Variants in CAMK2A observed in about 807,000 individuals in gnomAD.
The protein encoded by CAMK2A is calcium/calmodulin-dependent protein kinase type II subunit alpha.
In CAMK2A, 7 loss-of-function variants were observed where a neutral mutation model predicts 79.2. That is an observed-to-expected ratio of 0.09 (90% CI 0.05 to 0.17). The LOEUF is 0.17. Ranked by LOEUF, CAMK2A falls within the 10% of genes least tolerant of loss-of-function variation. The probability of loss-of-function intolerance (pLI) is 1.00; values close to 1 mark genes in which losing one functional copy is unlikely to be tolerated. For synonymous variants in CAMK2A, 242 were observed against 251.7 expected (o/e 0.96, Z 0.36); for missense variants, 214 against 646.4 (o/e 0.33, Z 7.25).
rs1754240737 is a variant in CAMK2A, at chr5:150,220,274, AC to A, written c.*2435del. On this transcript the variant is annotated 3_prime_UTR_variant, in exon 19 of 19. Coordinates refer to ENST00000671881, the MANE Select transcript of CAMK2A (RefSeq NM_015981.4). Reference sequence around the variant, plus strand: ...CAGAGCTGGGAATTGAAGCCTACTCACCCCAAATCACTGCTCTTTCCCCTGC... The same window carrying A: ...CAGAGCTGGGAATTGAAGCCTACTCACCCAAATCACTGCTCTTTCCCCTGC... 1 of 152,148 alleles carries A rather than the reference AC, an allele frequency of 6.6e-6. No homozygotes were observed. The highest frequency in any genetic ancestry group is 2.4e-5 in the African/African-American group (1 of 41,402). The allele number at this position is 152,148 out of a possible 1,614,324, so 9.4% of individuals were successfully genotyped here. A position where few individuals can be genotyped will look rare whatever the true frequency, so the allele number is the denominator to read the frequency against.
rs1488145637 is a variant in CAMK2A, at chr5:150,222,313, C to T, written c.*397G>A. The stretch of plus-strand genomic sequence containing the variant: ...AGGAGAGGTCTGGGAGAGGGACGGA[C>T]GGATGCTGCCTTCCTCATCATGCCA... On this transcript the variant is annotated 3_prime_UTR_variant, in exon 19 of 19. Transcript: ENST00000671881. 10 of 603,748 alleles carry T rather than the reference C, an allele frequency of 1.7e-5. 1 individual carries two copies. The highest frequency in any genetic ancestry group is 1.2e-4 in the South Asian group (6 of 51,394). The allele number at this position is 603,748 out of a possible 1,614,324, so 37.4% of individuals were successfully genotyped here.
At chr5:150,249,969 A>T (rs1195274730) in intron 11 of CAMK2A, among the ~76,000 whole-genome samples, 1 of 152,128 alleles carries the variant, frequency 6.6e-6, no homozygotes, top group Non-Finnish European at 1.5e-5. Flanking sequence ...CACCATCTTG[A>T]GGCTTTCCCA....
chr5:150,243,366 C>A (rs1437259020), intron 13 of CAMK2A, among the ~76,000 whole-genome samples: 1 of 152,192 alleles, frequency 6.6e-6, no homozygotes, highest in Non-Finnish European at 1.5e-5. Flanking sequence ...CCTAGCTCAG[C>A]GTCTCCACAC....
intron 15 of CAMK2A, among the ~76,000 whole-genome samples, chr5:150,237,626 T>A (rs1039904069): frequency 2.6e-5 from 4 of 151,870 alleles, no homozygotes; most frequent in African/African-American, 9.7e-5. Flanking sequence ...CCTAGCCACA[T>A]CCTTGTGAGC....
In CAMK2A at chr5:150,221,832, A is replaced by C; in HGVS notation, c.*878T>G. 1 of 387,866 alleles carries C rather than the reference A, an allele frequency of 2.6e-6. No homozygotes were observed. The allele number at this position is 387,866 out of a possible 1,614,324, so 24.0% of individuals were successfully genotyped here. A position where few individuals can be genotyped will look rare whatever the true frequency, so the allele number is the denominator to read the frequency against. ...CCCCTTCCAACCTGACCCTTCTCAC[A>C]ATAATCTGAGAAGTCTAGTTATTAC... On this transcript the variant is annotated 3_prime_UTR_variant, in exon 19 of 19. Coordinates refer to ENST00000671881, the MANE Select transcript of CAMK2A (RefSeq NM_015981.4).
At chr5:150,235,470 G>C (rs147728870) in intron 15 of CAMK2A, among the ~76,000 whole-genome samples, 101 of 152,370 alleles carry the variant, frequency 6.6e-4, no homozygotes, top group Non-Finnish European at 1.3e-3. Context: ...GAGAGGTTAA[G>C]ACACTCTCTC....
At chr5:150,222,761 TGGGCAACCCACCCACCCTGCC>T in intron 18 of CAMK2A, 48 bp from the exon 19 acceptor site, 1 of 1,612,236 alleles carries the variant, frequency 6.2e-7, no homozygotes, top group Non-Finnish European at 8.5e-7. Flanking sequence ...GTTTCCTGCT[TGGGCAACCCACCCACCCTGCC>T]GCTTTAGATG....
chr5:150,275,555 A>G (rs1166369957), intron 1 of CAMK2A, among the ~76,000 whole-genome samples: 1 of 152,206 alleles, frequency 6.6e-6, no homozygotes, highest in Non-Finnish European at 1.5e-5. Flanking sequence ...GTTACCCACA[A>G]TTCTGTCCAC....
chr5:150,278,066 T>C (rs1039824724), intron 1 of CAMK2A, among the ~76,000 whole-genome samples: 3 of 152,238 alleles, frequency 2.0e-5, no homozygotes, highest in African/African-American at 4.8e-5. Flanking sequence ...TGTGTGACGC[T>C]GAACTTGACA....
intron 1 of CAMK2A, among the ~76,000 whole-genome samples, chr5:150,278,029 G>C (rs1757027301): frequency 1.3e-5 from 2 of 152,208 alleles, no homozygotes; most frequent in Admixed American, 1.3e-4. Flanking sequence ...ACAAAGACCT[G>C]TAGTCCAATC....
Position 150,223,087 on chromosome 5 carries a change from G to A in CAMK2A, c.1368C>T (p.Arg456=), listed in dbSNP as rs199578629. Residue 456 remains arginine (R), a synonymous_variant, in exon 18 of 19, where the codon CGC becomes CGT. Coordinates refer to ENST00000671881, the MANE Select transcript of CAMK2A (RefSeq NM_015981.4). This position sits in a 1 kb window ranked among gnomAD's most constrained non-coding sequence, Gnocchi z 4.1. The part of the protein sequence containing the change: ...TQYLDAGGIP[R]TAQSEETRVW... ...CACGGGTCTCCTCCGACTGGGCGGT[G>A]CGTGGGATGCCGCCAGCGTCCAGGT... The A allele has an allele frequency of 3.2e-5, 52 of 1,614,066 alleles. No individual in the cohort carries two copies. In the Middle Eastern group the frequency reaches 4.9e-4, roughly 15 times the overall value.
chr5:150,223,771 C>T lies in CAMK2A; in HGVS notation c.1238-554G>A, dbSNP rs115419465. On this transcript the variant is annotated intron_variant, in intron 17 of 18. Coordinates refer to ENST00000671881, the MANE Select transcript of CAMK2A (RefSeq NM_015981.4). This position sits in a 1 kb window ranked among gnomAD's most constrained non-coding sequence, Gnocchi z 4.1. Reference sequence around the variant, plus strand: ...GAGTGAGACCAGTGTTGACGTGCCTCGTTTTTCAAGAGAATCTGGAAATCT... The same window carrying T: ...GAGTGAGACCAGTGTTGACGTGCCTTGTTTTTCAAGAGAATCTGGAAATCT... Among the ~76,000 whole-genome samples, 359 of 152,268 alleles carry T rather than the reference C, an allele frequency of 2.4e-3. 2 individuals carry two copies. Among genetic ancestry groups the T allele is most frequent in the African/African-American group, 8.1e-3 (336 of 41,538 alleles).
At position 150,270,930 on chromosome 5, in the gene CAMK2A, C is replaced by T. The variant is rs548883195; in HGVS notation, c.157+2135G>A. On this transcript the variant is annotated intron_variant, in intron 2 of 18. Transcript: ENST00000671881. The stretch of plus-strand genomic sequence containing the variant: ...ATACACATCTGTCTCTTTTGGTCAA[C>T]GTGCAAGTGTGTGTGTGAATGTGCC... Among the ~76,000 whole-genome samples the T allele has an allele frequency of 7.9e-5, 12 of 152,246 alleles. No individual in the cohort carries two copies. In the South Asian group the frequency reaches 1.5e-3, roughly 18 times the overall value.
chr5:150,245,045 C>T lies in CAMK2A; in HGVS notation c.984+116G>A, dbSNP rs373342465. On this transcript the variant is annotated intron_variant, in intron 13 of 18. Coordinates refer to ENST00000671881, the MANE Select transcript of CAMK2A (RefSeq NM_015981.4). ...ACAGCCTGGCCACAAATGTGGCCCACGTCTGCCCAGGACACCATCAGCAAG... is the reference window on the plus strand; with the variant it reads ...ACAGCCTGGCCACAAATGTGGCCCATGTCTGCCCAGGACACCATCAGCAAG... The T allele has an allele frequency of 5.3e-4, 543 of 1,019,498 alleles. 11 individuals are homozygous for T. In the South Asian group the frequency reaches 6.4e-3, roughly 12 times the overall value. The allele number at this position is 1,019,498 out of a possible 1,614,324, so 63.2% of individuals were successfully genotyped here.
In CAMK2A at chr5:150,274,964, C is replaced by A. The variant is rs565149572; in HGVS notation, c.63-1805G>T. On this transcript the variant is annotated intron_variant, in intron 1 of 18. Coordinates refer to ENST00000671881, the MANE Select transcript of CAMK2A (RefSeq NM_015981.4). Reference sequence around the variant, plus strand: ...CTGACAAGGCAGAGGAGGATGCTGGCAGGCACCGAAGAAGCCTGCAGGCTA... The same window carrying A: ...CTGACAAGGCAGAGGAGGATGCTGGAAGGCACCGAAGAAGCCTGCAGGCTA... Among the ~76,000 whole-genome samples the A allele has an allele frequency of 9.8e-5, 15 of 152,370 alleles. No individual in the cohort carries two copies. The South Asian group carries it at 3.1e-3, about 32-fold the overall frequency.
Position 150,221,416 on chromosome 5 carries a change from C to G in CAMK2A, c.*1294G>C, listed in dbSNP as rs951346239. The G allele has an allele frequency of 2.5e-6, 1 of 398,710 alleles. No homozygotes were observed. The allele number at this position is 398,710 out of a possible 1,614,324, so 24.7% of individuals were successfully genotyped here. The stretch of plus-strand genomic sequence containing the variant: ...AGGGGAGAGAGGCAATGAAGACACA[C>G]GCTCACGGGCCCCCCAGAGGTGGGT... On this transcript the variant is annotated 3_prime_UTR_variant, in exon 19 of 19. Transcript: ENST00000671881.
In CAMK2A at chr5:150,222,588, CG is replaced by C. The variant is rs761561805; in HGVS notation, c.*121del. 8 of 1,066,198 alleles carry C rather than the reference CG, an allele frequency of 7.5e-6. No homozygotes were observed. The South Asian group carries it at 1.0e-4, about 14-fold the overall frequency. 66.0% of individuals were successfully genotyped at this position (1,066,198 alleles called of 1,614,324 possible). A position where few individuals can be genotyped will look rare whatever the true frequency, so the allele number is the denominator to read the frequency against. ...TTTCTTGATGCAGGTACAGAAGTGA[CG>C]GTGGTGGGGTGATGACATGGGAGAA... is the stretch of plus-strand genomic sequence containing the variant. On this transcript the variant is annotated 3_prime_UTR_variant, in exon 19 of 19. Transcript: ENST00000671881.
At chr5:150,238,109 G>T (rs1316846543) in intron 15 of CAMK2A, among the ~76,000 whole-genome samples, 1 of 152,148 alleles carries the variant, frequency 6.6e-6, no homozygotes, top group East Asian at 1.9e-4. Flanking sequence ...CTTATGACTT[G>T]AACATGTTAA....
At position 150,219,560 on chromosome 5, in the gene CAMK2A, T is replaced by TC. The variant is rs1491561002; in HGVS notation, c.*3149dup. The TC allele has an allele frequency of 5.4e-4, 11 of 20,390 alleles. No individual in the cohort carries two copies. The highest frequency in any genetic ancestry group is 2.0e-3 in the Admixed American group (3 of 1,506). 1.3% of individuals were successfully genotyped at this position (20,390 alleles called of 1,614,324 possible). A position where few individuals can be genotyped will look rare whatever the true frequency, so the allele number is the denominator to read the frequency against. On this transcript the variant is annotated 3_prime_UTR_variant, in exon 19 of 19. Transcript: ENST00000671881. The stretch of plus-strand genomic sequence containing the variant: ...ATAAAACAAACGCCCCTTCTTCCCA[T>TC]CCCACCCGCCCCCCCCAATAGCAGA...
Sources: gnomAD v4.1 joint callset for allele counts (sites outside exome capture counted in the v4.1 genomes callset) on GRCh38, gnomAD v4.1.1 for gene constraint, Gnocchi (gnomAD v3.1) non-coding constraint, MANE v1.5 for transcripts, NCBI Gene and HGNC (gene_info 2026-07-23, HGNC 2026-07-21) for gene names.